Variants in ZHX3 observed in about 807,000 individuals in gnomAD.
ZHX3 encodes the protein zinc fingers and homeoboxes 3, also known as zinc fingers and homeoboxes protein 3.
In ZHX3, 20 loss-of-function variants were observed where a neutral mutation model predicts 64.5. The observed-to-expected ratio is 0.31, with a 90% CI of 0.22 to 0.45. The LOEUF (loss-of-function observed/expected upper bound fraction) is 0.45, where lower values mean the gene tolerates loss of function less well. ZHX3 is among the 20% of genes least tolerant of loss of function. The probability of loss-of-function intolerance (pLI) is 1.00; values close to 1 mark genes in which losing one functional copy is unlikely to be tolerated. For synonymous variants in ZHX3, 423 were observed against 461.6 expected (o/e 0.92, Z 1.07); for missense variants, 1,041 against 1,195.8 (o/e 0.87, Z 1.91).
intron 3 of ZHX3, among the ~76,000 whole-genome samples, chr20:41,197,762 GTATT>G (rs2037862692): frequency 1.3e-5 from 2 of 151,584 alleles, no homozygotes; most frequent in South Asian, 2.1e-4. Flanking sequence ...ACCTCCTTTT[GTATT>G]TATTTGATTG....
At chr20:41,314,344 G>A (rs2045228754) in intron 1 of ZHX3, among the ~76,000 whole-genome samples, 2 of 152,168 alleles carry the variant, frequency 1.3e-5, no homozygotes, top group Non-Finnish European at 2.9e-5. Context: ...ATACCTGCTA[G>A]GCCATCCAAA....
intron 2 of ZHX3, among the ~76,000 whole-genome samples, chr20:41,253,289 A>G (rs1028656915): frequency 3.3e-5 from 5 of 150,398 alleles, no homozygotes; most frequent in Non-Finnish European, 5.9e-5. Context: ...AAGTGTCCCT[A>G]TTACTTATTA....
At chr20:41,208,171 A>T (rs537077585) in intron 2 of ZHX3, among the ~76,000 whole-genome samples, 4 of 152,346 alleles carry the variant, frequency 2.6e-5, no homozygotes, top group African/African-American at 7.2e-5. Flanking sequence ...ATACACCAAT[A>T]ACAGGTTCTG....
rs556778869 is a variant in ZHX3, at chr20:41,195,531, T to C, written c.2860+6526A>G. On this transcript the variant is annotated intron_variant, in intron 3 of 3. Coordinates refer to ENST00000683867, the MANE Select transcript of ZHX3 (RefSeq NM_001384317.1). This position sits in a 1 kb window ranked among gnomAD's most constrained non-coding sequence, Gnocchi z 4.2. ...CCTGGGTTCAAATTATTCTCCTGCCTCAGCCTCCCAAGTAGCTGGGATTAC... is the reference window on the plus strand; with the variant it reads ...CCTGGGTTCAAATTATTCTCCTGCCCCAGCCTCCCAAGTAGCTGGGATTAC... 5.3e-5 allele frequency among the ~76,000 whole-genome samples: 8 copies of C among 152,320 alleles called. No homozygotes were observed. The highest frequency in any genetic ancestry group is 4.1e-4 in the South Asian group (2 of 4,822).
In ZHX3 at chr20:41,202,057, C is replaced by G; in HGVS notation, c.2860G>C (p.Glu954Gln). The G allele has an allele frequency of 6.3e-7, 1 of 1,588,060 alleles. No individual in the cohort carries two copies. Among genetic ancestry groups the G allele is most frequent in the African/African-American group, 1.3e-5 (1 of 74,552 alleles). ...TSSPQAGRQL[E>Q]TD is the part of the protein sequence containing the mutation. Reference sequence around the variant, plus strand: ...GCCATGGCCCCTGTGGACTCCTTACCGAGCTGACGTCCAGCCTGGGGACTC... The same window carrying G: ...GCCATGGCCCCTGTGGACTCCTTACGGAGCTGACGTCCAGCCTGGGGACTC... The change falls in exon 3 of 4, where the codon GAA becomes CAA. Residue 954 changes from glutamate (E) to glutamine (Q), a missense_variant and splice_region_variant. By Grantham distance (29) the Glu-to-Gln change is conservative. Coordinates refer to ENST00000683867, the MANE Select transcript of ZHX3 (RefSeq NM_001384317.1). This position sits in a 1 kb window ranked among gnomAD's most constrained non-coding sequence, Gnocchi z 7.0.
At chr20:41,294,150 C>T (rs1421626983) in intron 1 of ZHX3, among the ~76,000 whole-genome samples, 1 of 152,190 alleles carries the variant, frequency 6.6e-6, no homozygotes, top group Non-Finnish European at 1.5e-5. Context: ...AGGGGACTAA[C>T]AGGCCAATGC....
intron 1 of ZHX3, among the ~76,000 whole-genome samples, chr20:41,281,243 T>C (rs899443299): frequency 6.8e-6 from 1 of 147,854 alleles, no homozygotes; most frequent in Non-Finnish European, 1.5e-5. Flanking sequence ...TCCCTAAAAC[T>C]GTTACTTAAG....
At chr20:41,250,172 C>T (rs1217957197) in intron 2 of ZHX3, among the ~76,000 whole-genome samples, 1 of 152,184 alleles carries the variant, frequency 6.6e-6, no homozygotes, top group Non-Finnish European at 1.5e-5. Flanking sequence ...CATCAGACAG[C>T]ACCAACAGGG....
chr20:41,246,852 G>C (rs1055734478), intron 2 of ZHX3, among the ~76,000 whole-genome samples: 2 of 149,534 alleles, frequency 1.3e-5, no homozygotes, highest in Non-Finnish European at 3.0e-5. Flanking sequence ...CAGCCTGAGG[G>C]ACAGAGCAAG....
intron 1 of ZHX3, among the ~76,000 whole-genome samples, chr20:41,298,632 T>C (rs2044655810): frequency 6.6e-6 from 1 of 152,212 alleles, no homozygotes; most frequent in Admixed American, 6.5e-5. Context: ...AGAACCTACA[T>C]TCAGAGGGGA....
At chr20:41,205,088 T>C (rs773510496) in intron 2 of ZHX3, 22 bp from the exon 3 acceptor site, 224 of 1,166,304 alleles carry the variant, frequency 1.9e-4, no homozygotes, top group Admixed American at 3.6e-4. Context: ...GAGAAAAAAA[T>C]GATTAAGTTC....
At chr20:41,192,477 G>T (rs890043437) in intron 3 of ZHX3, among the ~76,000 whole-genome samples, 2 of 152,246 alleles carry the variant, frequency 1.3e-5, no homozygotes, top group Non-Finnish European at 2.9e-5. Context: ...GCACAGGGTT[G>T]CTGGCCAGTG....
Position 41,302,813 on chromosome 20 carries a change from GTGAC to G in ZHX3, c.-245+14692_-245+14695del, listed in dbSNP as rs2044862829. On this transcript the variant is annotated intron_variant, in intron 1 of 3. Coordinates refer to ENST00000683867, the MANE Select transcript of ZHX3 (RefSeq NM_001384317.1). ...GTCTGGGCCCCCTCCATCCCCACAG[GTGAC>G]TGGATTTTAAATGAGCACAGAAATG... is the stretch of plus-strand genomic sequence containing the variant. Among the ~76,000 whole-genome samples, 3 of 152,228 alleles carry G rather than the reference GTGAC, an allele frequency of 2.0e-5. No homozygotes were observed. In the South Asian group the frequency reaches 6.2e-4, roughly 32 times the overall value.
Position 41,226,073 on chromosome 20 carries a change from A to C in ZHX3, c.-150-21007T>G, listed in dbSNP as rs1157557425. On this transcript the variant is annotated intron_variant, in intron 2 of 3. Transcript: ENST00000683867. The surrounding 1 kb of genome is among the most constrained non-coding windows in gnomAD (Gnocchi z 4.4). The stretch of plus-strand genomic sequence containing the variant: ...TTTCATCATCCTACTACCACTACTA[A>C]TACTACCAGAAACCTAGCTAGCTAA... Among the ~76,000 whole-genome samples the C allele has an allele frequency of 2.0e-5, 3 of 152,116 alleles. No individual in the cohort carries two copies. The highest frequency in any genetic ancestry group is 2.9e-5 in the Non-Finnish European group (2 of 68,024).
Position 41,201,953 on chromosome 20 carries a change from C to T in ZHX3, c.2860+104G>A, listed in dbSNP as rs1004797486. 6.6e-5 allele frequency: 93 copies of T among 1,403,660 alleles called. No homozygotes were observed. The highest frequency in any genetic ancestry group is 8.4e-5 in the Non-Finnish European group (89 of 1,061,808). 87.0% of individuals were successfully genotyped at this position (1,403,660 alleles called of 1,614,324 possible). On this transcript the variant is annotated intron_variant, in intron 3 of 3. Transcript: ENST00000683867. The surrounding 1 kb of genome is among the most constrained non-coding windows in gnomAD (Gnocchi z 5.0). ...GCGGTTAATGCTGCTGCCAGGCAGC[C>T]TTAGAGACAGCAGATGCCCCTGTGC...
At position 41,180,231 on chromosome 20, in the gene ZHX3, G is replaced by A. The variant is rs1313224058; in HGVS notation, c.*4960C>T. The stretch of plus-strand genomic sequence containing the variant: ...CTCAGCTGCCAGAGCAGCCACGAAA[G>A]CCAAATTCTCAGGGCTGTGGAAGCT... On this transcript the variant is annotated 3_prime_UTR_variant, in exon 4 of 4. Transcript: ENST00000683867. 2 of 152,760 alleles carry A rather than the reference G, an allele frequency of 1.3e-5. No individual in the cohort carries two copies. Among genetic ancestry groups the A allele is most frequent in the Non-Finnish European group, 2.9e-5 (2 of 68,098 alleles). The allele number at this position is 152,760 out of a possible 1,614,324, so 9.5% of individuals were successfully genotyped here.
rs981008910 is a variant in ZHX3 at position 41,236,893 on chromosome 20, C to A, written c.-150-31827G>T. Among the ~76,000 whole-genome samples, 297 of 152,262 alleles carry A rather than the reference C, an allele frequency of 2.0e-3. 3 individuals carry two copies. Among genetic ancestry groups the A allele is most frequent in the Non-Finnish European group, 3.5e-3 (238 of 68,024 alleles). ...CTGACAAAGGGCTAATATCCAGAAT[C>A]CACAAAGAACTCAAACAAATTTACA... On this transcript the variant is annotated intron_variant, in intron 2 of 3. Transcript: ENST00000683867.
intron 2 of ZHX3, among the ~76,000 whole-genome samples, chr20:41,222,554 T>C (rs2040012653): frequency 6.6e-6 from 1 of 152,108 alleles, no homozygotes. Flanking sequence ...TGCTCAAATC[T>C]ACAGAGAAAC....
intron 1 of ZHX3, among the ~76,000 whole-genome samples, chr20:41,271,745 C>T (rs2146634129): frequency 6.6e-6 from 1 of 152,304 alleles, no homozygotes; most frequent in East Asian, 1.9e-4. Flanking sequence ...TCAAGCTCCT[C>T]CTTCGAAAAA....
Sources: gnomAD v4.1 joint callset for allele counts (sites outside exome capture counted in the v4.1 genomes callset) on GRCh38, gnomAD v4.1.1 for gene constraint, Gnocchi (gnomAD v3.1) non-coding constraint, MANE v1.5 for transcripts, NCBI Gene and HGNC (gene_info 2026-07-23, HGNC 2026-07-21) for gene names.